ADORA2B: variants seen among roughly 807,000 people sequenced by gnomAD.
The protein encoded by ADORA2B is adenosine receptor A2b.
A neutral mutation model predicts 20.8 loss-of-function variants in ADORA2B; 18 were observed. That is an observed-to-expected ratio of 0.87 (90% CI 0.60 to 1.29). The LOEUF is 1.29. Ranked by LOEUF, ADORA2B falls within the 50% of genes most tolerant of loss-of-function variation. ADORA2B has a pLI of 0.00. For synonymous variants in ADORA2B, 179 were observed against 178.3 expected, an observed-to-expected ratio of 1.00 and a Z score of -0.03; for missense variants, 441 against 422.7, an observed-to-expected ratio of 1.04 and a Z score of -0.38.
the ADORA2B span, among the ~76,000 whole-genome samples, chr17:15,864,481 C>A: frequency 0.011 from 1,588 of 151,118 alleles, 36 homozygotes; most frequent in African/African-American, 0.036. Context: ...TTTATTGGAG[C>A]ATATGCCCAG....
At chr17:15,943,244 T>C (rs2779194), upstream of ADORA2B, among the ~76,000 whole-genome samples, 143,635 of 152,320 alleles carry the variant, frequency 0.94, 68,106 homozygotes, top group Non-Finnish European at 0.99. Context: ...ACTGTGTGTG[T>C]TTTTGACATT....
chr17:15,895,317 T>C, the ADORA2B span, among the ~76,000 whole-genome samples: 5 of 152,228 alleles, frequency 3.3e-5, no homozygotes, highest in Non-Finnish European at 5.9e-5. Flanking sequence ...ACAGAATGTA[T>C]TAAAATCTTT....
the ADORA2B span, among the ~76,000 whole-genome samples, chr17:15,889,612 G>C: frequency 3.1e-5 from 4 of 130,324 alleles, 1 homozygote; most frequent in East Asian, 8.2e-4. Flanking sequence ...ACTCAGCCTA[G>C]GCCGGACGTA....
At chr17:15,892,239 G>C in the ADORA2B span, among the ~76,000 whole-genome samples, 629 of 152,106 alleles carry the variant, frequency 4.1e-3, 7 homozygotes, top group African/African-American at 0.014. Flanking sequence ...CGTGATCTAG[G>C]CTCACTGCAA....
chr17:15,896,055 A>C, the ADORA2B span, among the ~76,000 whole-genome samples: 1 of 152,180 alleles, frequency 6.6e-6, no homozygotes, highest in African/African-American at 2.4e-5. Flanking sequence ...AAAAGAGAGA[A>C]AGTCTCTTAT....
At chr17:15,968,292 C>T (rs951142267) in intron 1 of ADORA2B, among the ~76,000 whole-genome samples, 3 of 152,112 alleles carry the variant, frequency 2.0e-5, no homozygotes, top group African/African-American at 7.2e-5. Flanking sequence ...GGATGTGAAA[C>T]CCACATATAC....
chr17:15,854,107 C>T, the ADORA2B span, among the ~76,000 whole-genome samples: 6 of 152,270 alleles, frequency 3.9e-5, no homozygotes, highest in East Asian at 1.2e-3. Context: ...AGCCATGCAC[C>T]ACCACGCCTG....
At chr17:15,895,053 G>A in the ADORA2B span, among the ~76,000 whole-genome samples, 10 of 152,036 alleles carry the variant, frequency 6.6e-5, no homozygotes, top group African/African-American at 2.2e-4. Flanking sequence ...TGTGAAGGCC[G>A]TCTGCTGACA....
chr17:15,932,951 ATTTTTTT>A, the ADORA2B span, among the ~76,000 whole-genome samples: 4 of 135,970 alleles, frequency 2.9e-5, no homozygotes, highest in African/African-American at 5.6e-5. Context: ...TAGTCCTTCA[ATTTTTTT>A]TTTTTTTTTT....
chr17:15,959,417 C>A (rs1280552594), intron 1 of ADORA2B, among the ~76,000 whole-genome samples: 1 of 151,698 alleles, frequency 6.6e-6, no homozygotes, highest in Non-Finnish European at 1.5e-5. Flanking sequence ...CTTTCACTTA[C>A]ATTCACAAAT....
chr17:15,949,402 A>G (rs1231388804), intron 1 of ADORA2B, among the ~76,000 whole-genome samples: 2 of 151,354 alleles, frequency 1.3e-5, no homozygotes, highest in Admixed American at 6.6e-5. Flanking sequence ...AATCCCAGCT[A>G]CTCGGGAGGC....
chr17:15,925,062 G>A, the ADORA2B span, among the ~76,000 whole-genome samples: 1 of 151,776 alleles, frequency 6.6e-6, no homozygotes, highest in Non-Finnish European at 1.5e-5. Flanking sequence ...TTGAGATGGA[G>A]TCTGACTCTG....
chr17:15,854,419 A>G, the ADORA2B span, among the ~76,000 whole-genome samples: 1 of 152,234 alleles, frequency 6.6e-6, no homozygotes, highest in Non-Finnish European at 1.5e-5. Flanking sequence ...GTAAAGATTA[A>G]TACCTTTCTT....
chr17:15,945,598 G>A lies in ADORA2B; in HGVS notation c.335+15G>A. ...GTCCCGCTCAGGTGAGGCGCTCGGC[G>A]TCGCCCGAACTCGGGGCCCCGTCGG... On this transcript the variant is annotated intron_variant, in intron 1 of 1. Coordinates refer to ENST00000304222, the MANE Select transcript of ADORA2B (RefSeq NM_000676.4). 4.8e-6 allele frequency: 7 copies of A among 1,458,396 alleles called. No homozygotes were observed. The highest frequency in any genetic ancestry group is 5.4e-6 in the Non-Finnish European group (6 of 1,109,056). 90.3% of individuals were successfully genotyped at this position (1,458,396 alleles called of 1,614,324 possible). A position where few individuals can be genotyped will look rare whatever the true frequency, so the allele number is the denominator to read the frequency against.
At chr17:15,879,104 A>G in the ADORA2B span, among the ~76,000 whole-genome samples, 1 of 152,290 alleles carries the variant, frequency 6.6e-6, no homozygotes, top group Non-Finnish European at 1.5e-5. Flanking sequence ...TGATTTTTTT[A>G]GTTACGATGT....
the ADORA2B span, among the ~76,000 whole-genome samples, chr17:15,930,738 C>T: frequency 2.6e-5 from 4 of 152,242 alleles, no homozygotes; most frequent in African/African-American, 9.6e-5. Flanking sequence ...AGCTGAAATG[C>T]TCACAAACAG....
the ADORA2B span, among the ~76,000 whole-genome samples, chr17:15,885,786 C>T: frequency 2.6e-5 from 4 of 151,980 alleles, no homozygotes; most frequent in African/African-American, 4.8e-5. Flanking sequence ...CTGTTTATTT[C>T]AGAACCACTA....
At chr17:15,917,007 G>A in the ADORA2B span, among the ~76,000 whole-genome samples, 51 of 152,340 alleles carry the variant, frequency 3.3e-4, no homozygotes, top group Non-Finnish European at 6.3e-4. Context: ...AGAAGGAGGA[G>A]CACTTGCTGT....
chr17:15,951,970 C>G (rs1003117397), intron 1 of ADORA2B, among the ~76,000 whole-genome samples: 3 of 152,224 alleles, frequency 2.0e-5, no homozygotes, highest in African/African-American at 7.2e-5. Flanking sequence ...CTCTGCATGC[C>G]TGGAGGTGGC....
Sources: allele counts gnomAD v4.1 joint callset (sites outside exome capture counted in the v4.1 genomes callset), GRCh38; gene constraint gnomAD v4.1.1; transcripts MANE v1.5; gene names NCBI Gene and HGNC (gene_info 2026-07-23, HGNC 2026-07-21).